Variants in SUN1 observed in about 807,000 individuals in gnomAD.
The protein encoded by SUN1 is Sad1 and UNC84 domain containing 1, also known as SUN domain-containing protein 1.
SUN1 carries 61 observed loss-of-function variants against 103.2 expected under a neutral mutation model. The observed-to-expected ratio is 0.59, with a 90% CI of 0.48 to 0.73. The LOEUF (loss-of-function observed/expected upper bound fraction) is 0.73, where lower values mean the gene tolerates loss of function less well. Among genes scored for constraint, SUN1 ranks in the 30% least tolerant of loss-of-function variants. The pLI, the probability that SUN1 is intolerant of heterozygous loss-of-function variation, is 0.00. For missense variants in SUN1, 1,052 were observed against 1,034.6 expected (o/e 1.02, Z -0.23); for synonymous variants, 490 against 425.7 (o/e 1.15, Z -1.86).
At chr7:840,824 G>T (rs1253293848) in intron 2 of SUN1, among the ~76,000 whole-genome samples, 2 of 151,064 alleles carry the variant, frequency 1.3e-5, no homozygotes, top group African/African-American at 4.9e-5. Flanking sequence ...TGTATTTTTA[G>T]TAGAGGCGGG....
At chr7:822,172 T>A (rs1250826958) in intron 1 of SUN1, among the ~76,000 whole-genome samples, 1 of 152,262 alleles carries the variant, frequency 6.6e-6, no homozygotes, top group Non-Finnish European at 1.5e-5. Context: ...TTGCTTCTTA[T>A]AATACACTGT....
intron 15 of SUN1, among the ~76,000 whole-genome samples, chr7:865,008 C>T (rs1835331970): frequency 6.6e-6 from 1 of 152,170 alleles, no homozygotes; most frequent in South Asian, 2.1e-4. Flanking sequence ...TCTGGTACCA[C>T]CCTTCTACCC....
chr7:846,348 C>A (rs1004047338), intron 5 of SUN1, among the ~76,000 whole-genome samples: 4 of 152,154 alleles, frequency 2.6e-5, no homozygotes, highest in African/African-American at 9.7e-5. Flanking sequence ...ACCTTGTGAT[C>A]CGCCCACCTT....
intron 1 of SUN1, among the ~76,000 whole-genome samples, chr7:833,881 C>T (rs1404326332): frequency 2.0e-5 from 3 of 152,158 alleles, no homozygotes; most frequent in Non-Finnish European, 4.4e-5. Context: ...GATTTGTGGT[C>T]ACTTATTTTT....
intron 12 of SUN1, 34 bp from the exon 13 acceptor site, chr7:857,794 T>A: frequency 6.5e-7 from 1 of 1,538,242 alleles, no homozygotes; most frequent in Non-Finnish European, 8.8e-7. Flanking sequence ...GCTGGGAGGC[T>A]TGTGTGTGAC....
Position 856,505 on chromosome 7 carries a change from C to T in SUN1, c.1394+104C>T, listed in dbSNP as rs4721834. On this transcript the variant is annotated intron_variant, in intron 12 of 18. Transcript: ENST00000401592. ...TGGGGGACCCGGGGCCGGCCTCCCC[C>T]GAGGGTCACCTGAAGGCCCTGAGGT... The T allele has an allele frequency of 0.15, 195,365 of 1,321,470 alleles. 15,794 individuals are homozygous for T. The highest frequency in any genetic ancestry group is 0.21 in the Admixed American group (11,785 of 57,152). The allele number at this position is 1,321,470 out of a possible 1,614,324, so 81.9% of individuals were successfully genotyped here. A position where few individuals can be genotyped will look rare whatever the true frequency, so the allele number is the denominator to read the frequency against.
intron 17 of SUN1, among the ~76,000 whole-genome samples, chr7:870,968 A>G (rs1841235256): frequency 7.2e-6 from 1 of 139,648 alleles, no homozygotes; most frequent in Non-Finnish European, 1.5e-5. Context: ...TCAGCTCACC[A>G]CAATCTCCGC....
intron 5 of SUN1, chr7:849,668 G>A: frequency 6.6e-7 from 1 of 1,506,642 alleles, no homozygotes; most frequent in Non-Finnish European, 9.1e-7. Flanking sequence ...CTGTCATGTT[G>A]GGTACTAGCA....
intron 14 of SUN1, among the ~76,000 whole-genome samples, chr7:860,934 C>T (rs1400657973): frequency 6.6e-6 from 1 of 152,196 alleles, no homozygotes; most frequent in Non-Finnish European, 1.5e-5. Context: ...CACCATGACT[C>T]AGTTTCCCCC....
chr7:837,720 A>G (rs1217022055), intron 1 of SUN1, among the ~76,000 whole-genome samples: 1 of 152,128 alleles, frequency 6.6e-6, no homozygotes, highest in Non-Finnish European at 1.5e-5. Context: ...GATTCCTGGG[A>G]TGGTGCTGGG....
rs894499213 is a variant in SUN1 at position 849,180 on chromosome 7, A to G, written c.659-2204A>G. Among the ~76,000 whole-genome samples the G allele has an allele frequency of 3.3e-5, 5 of 151,996 alleles. No individual in the cohort carries two copies. In the East Asian group the frequency reaches 9.7e-4, roughly 29 times the overall value. On this transcript the variant is annotated intron_variant, in intron 5 of 18. Coordinates refer to ENST00000401592, the MANE Select transcript of SUN1 (RefSeq NM_001130965.3). ...ATCATGTTAGCCAAGATGGTCTCCA[A>G]CTCCTGACCTCGTGATCGCCCGCCT...
chr7:856,797 T>C (rs1329792179), intron 12 of SUN1, among the ~76,000 whole-genome samples: 30 of 152,178 alleles, frequency 2.0e-4, no homozygotes, highest in Admixed American at 2.0e-3. Context: ...CGTTGGCATC[T>C]AGGTGGGCGG....
chr7:820,090 G>C (rs1008851786), intron 1 of SUN1, among the ~76,000 whole-genome samples: 1 of 152,158 alleles, frequency 6.6e-6, no homozygotes, highest in South Asian at 2.1e-4. Flanking sequence ...TTAAAGATCA[G>C]TTTTTCCATA....
At position 839,543 on chromosome 7, in the gene SUN1, G is replaced by A. The variant is rs945521813; in HGVS notation, c.266+557G>A. Among the ~76,000 whole-genome samples, 6 of 117,030 alleles carry A rather than the reference G, an allele frequency of 5.1e-5. 2 individuals are homozygous for A. Among genetic ancestry groups the A allele is most frequent in the Admixed American group, 3.5e-4 (4 of 11,494 alleles). 76.8% of individuals were successfully genotyped at this position (117,030 alleles called of 152,430 possible). On this transcript the variant is annotated intron_variant, in intron 2 of 18. Coordinates refer to ENST00000401592, the MANE Select transcript of SUN1 (RefSeq NM_001130965.3). ...TGGGATTACAGGCGCCCGCCACCAC[G>A]CCTGGCAAATTTTCCTTTTTTTTTG... is the stretch of plus-strand genomic sequence containing the variant.
intron 15 of SUN1, among the ~76,000 whole-genome samples, chr7:865,724 T>C (rs115856578): frequency 7.7e-4 from 118 of 152,364 alleles, no homozygotes; most frequent in African/African-American, 2.8e-3. Context: ...GAGGGTTCCC[T>C]TTCTCCACAT....
At chr7:816,050 C>T (rs1349729836), upstream of SUN1, 3 of 207,302 alleles carry the variant, frequency 1.4e-5, no homozygotes, top group African/African-American at 5.5e-5. Flanking sequence ...CCCCCGGATC[C>T]AAACCTCTCC....
At position 849,770 on chromosome 7, in the gene SUN1, A is replaced by G. The variant is rs915441979; in HGVS notation, c.659-1614A>G. 3.0e-5 allele frequency: 33 copies of G among 1,101,224 alleles called. No homozygotes were observed. The South Asian group carries it at 3.6e-4, about 12-fold the overall frequency. The allele number at this position is 1,101,224 out of a possible 1,614,324, so 68.2% of individuals were successfully genotyped here. A position where few individuals can be genotyped will look rare whatever the true frequency, so the allele number is the denominator to read the frequency against. On this transcript the variant is annotated intron_variant, in intron 5 of 18. Coordinates refer to ENST00000401592, the MANE Select transcript of SUN1 (RefSeq NM_001130965.3). ...GCTTAAGCCCTCATCACAGAAGCTC[A>G]TAGCCACCAGATCGCATTTGCTTTG...
rs779789008 is a variant in SUN1, at chr7:851,368, C to T, written c.659-16C>T. The T allele has an allele frequency of 7.0e-6, 11 of 1,573,118 alleles. No homozygotes were observed. Among genetic ancestry groups the T allele is most frequent in the African/African-American group, 6.7e-5 (5 of 74,086 alleles). Reference sequence around the variant, plus strand: ...CCTGGCGTCTGTCTGAGGCCACACACGTCTTCCCTGCACAGGTTACTTCTT... The same window carrying T: ...CCTGGCGTCTGTCTGAGGCCACACATGTCTTCCCTGCACAGGTTACTTCTT... On this transcript the variant is annotated splice_polypyrimidine_tract_variant and intron_variant, in intron 5 of 18. Transcript: ENST00000401592.
At chr7:848,648 C>G (rs1434559666) in intron 5 of SUN1, 7 of 1,293,544 alleles carry the variant, frequency 5.4e-6, no homozygotes, top group Non-Finnish European at 7.1e-6. Flanking sequence ...CTTTTTCCAC[C>G]AATCACACTT....
Sources: allele counts gnomAD v4.1 joint callset (sites outside exome capture counted in the v4.1 genomes callset), GRCh38; gene constraint gnomAD v4.1.1; transcripts MANE v1.5; gene names NCBI Gene and HGNC (gene_info 2026-07-23, HGNC 2026-07-21).